Variants in RPS6KA5 observed in about 807,000 individuals in gnomAD.
RPS6KA5 encodes the protein ribosomal protein S6 kinase alpha-5.
In RPS6KA5, 27 loss-of-function variants were observed where a neutral mutation model predicts 85.5. The ratio of observed to expected loss-of-function variants is 0.32; its 90% CI spans 0.23 to 0.44. The LOEUF is 0.44. Among genes scored for constraint, RPS6KA5 ranks in the 20% least tolerant of loss-of-function variants. The probability of loss-of-function intolerance (pLI) is 1.00; values close to 1 mark genes in which losing one functional copy is unlikely to be tolerated. For synonymous variants in RPS6KA5, 334 were observed against 348.2 expected, an observed-to-expected ratio of 0.96 and a Z score of 0.46; for missense variants, 811 against 980.9, an observed-to-expected ratio of 0.83 and a Z score of 2.31.
chr14:90,935,919 C>G (rs983375671), intron 5 of RPS6KA5, among the ~76,000 whole-genome samples: 15 of 152,138 alleles, frequency 9.9e-5, no homozygotes, highest in Non-Finnish European at 2.2e-4. Flanking sequence ...TAAATATGAA[C>G]AGACACAATT....
intron 14 of RPS6KA5, among the ~76,000 whole-genome samples, chr14:90,889,369 T>C (rs150208236): frequency 6.6e-6 from 1 of 150,558 alleles, no homozygotes; most frequent in Non-Finnish European, 1.5e-5. Flanking sequence ...GAAAAGATGC[T>C]CTAACTAAAT....
chr14:90,944,214 T>C (rs1013889125), intron 4 of RPS6KA5, among the ~76,000 whole-genome samples: 2 of 152,240 alleles, frequency 1.3e-5, no homozygotes, highest in African/African-American at 2.4e-5. Flanking sequence ...TTCAGTTATG[T>C]CAGCCTGAAT....
chr14:91,033,086 C>T (rs1414686908), intron 1 of RPS6KA5, among the ~76,000 whole-genome samples: 2 of 151,624 alleles, frequency 1.3e-5, no homozygotes, highest in African/African-American at 4.8e-5. Flanking sequence ...ACTCGGGAGG[C>T]TGAGGCAGGA....
At chr14:90,958,196 T>C (rs1474844133) in intron 3 of RPS6KA5, among the ~76,000 whole-genome samples, 1 of 152,040 alleles carries the variant, frequency 6.6e-6, no homozygotes, top group Non-Finnish European at 1.5e-5. Flanking sequence ...GCTATTTGAG[T>C]TCCTTTATAT....
At chr14:91,012,254 A>C (rs573921168) in intron 1 of RPS6KA5, among the ~76,000 whole-genome samples, 155 of 152,326 alleles carry the variant, frequency 1.0e-3, no homozygotes, top group African/African-American at 3.7e-3. Flanking sequence ...CCGTTCCAAC[A>C]CTTTTGGTAT....
At chr14:90,926,737 G>A (rs1404593977) in intron 5 of RPS6KA5, among the ~76,000 whole-genome samples, 2 of 150,826 alleles carry the variant, frequency 1.3e-5, no homozygotes, top group Non-Finnish European at 3.0e-5. Flanking sequence ...TTTATACCCA[G>A]CAGCTAAGTT....
chr14:91,053,449 T>C (rs1249017752), intron 1 of RPS6KA5, among the ~76,000 whole-genome samples: 7 of 152,130 alleles, frequency 4.6e-5, no homozygotes, highest in Non-Finnish European at 7.4e-5. Context: ...ATCTTATAAA[T>C]AGAAAATCCT....
intron 1 of RPS6KA5, among the ~76,000 whole-genome samples, chr14:91,019,802 CA>C (rs2041669033): frequency 6.6e-6 from 1 of 152,182 alleles, no homozygotes; most frequent in Non-Finnish European, 1.5e-5. Context: ...AACATAACCT[CA>C]TTGTAAGTCA....
At chr14:90,972,754 C>A (rs1486982181) in intron 3 of RPS6KA5, among the ~76,000 whole-genome samples, 1 of 152,182 alleles carries the variant, frequency 6.6e-6, no homozygotes, top group East Asian at 1.9e-4. Context: ...ATAAATTTTA[C>A]TATACATAAA....
chr14:91,046,773 G>A (rs1372936100), intron 1 of RPS6KA5, among the ~76,000 whole-genome samples: 3 of 151,352 alleles, frequency 2.0e-5, no homozygotes, highest in Middle Eastern at 3.4e-3. Flanking sequence ...TTATCATTAC[G>A]TATTTTCTAA....
At chr14:91,042,593 C>T (rs926872965) in intron 1 of RPS6KA5, among the ~76,000 whole-genome samples, 3 of 152,256 alleles carry the variant, frequency 2.0e-5, no homozygotes, top group Non-Finnish European at 4.4e-5. Flanking sequence ...TAAAGAATTG[C>T]CTTTTCTTCA....
chr14:91,024,913 G>A (rs564480442), intron 1 of RPS6KA5, among the ~76,000 whole-genome samples: 18 of 151,612 alleles, frequency 1.2e-4, no homozygotes, highest in Non-Finnish European at 1.9e-4. Flanking sequence ...ACCAAGTCTC[G>A]CTCTGTCACC....
At chr14:90,998,154 G>A (rs1489084922) in intron 2 of RPS6KA5, among the ~76,000 whole-genome samples, 3 of 152,072 alleles carry the variant, frequency 2.0e-5, no homozygotes, top group African/African-American at 7.2e-5. Context: ...GCCTAGAAGA[G>A]GCAAATATAT....
chr14:90,863,776 T>C lies in RPS6KA5; in HGVS notation c.*8298A>G, dbSNP rs1366133167. 4 of 152,204 alleles carry C rather than the reference T, an allele frequency of 2.6e-5. No homozygotes were observed. Among genetic ancestry groups the C allele is most frequent in the African/African-American group, 7.2e-5 (3 of 41,460 alleles). The allele number at this position is 152,204 out of a possible 1,614,324, so 9.4% of individuals were successfully genotyped here. A position where few individuals can be genotyped will look rare whatever the true frequency, so the allele number is the denominator to read the frequency against. Reference sequence around the variant, plus strand: ...TAGAGGGATATACCATGTCCATGCATTGGAAAACTCAAAATTGGTAAGATA... The same window carrying C: ...TAGAGGGATATACCATGTCCATGCACTGGAAAACTCAAAATTGGTAAGATA... On this transcript the variant is annotated 3_prime_UTR_variant, in exon 17 of 17. Coordinates refer to ENST00000614987, the MANE Select transcript of RPS6KA5 (RefSeq NM_004755.4).
At position 90,920,289 on chromosome 14, in the gene RPS6KA5, C is replaced by T. The variant is rs1158606577; in HGVS notation, c.723G>A (p.Leu241=). Residue 241 remains leucine, a synonymous_variant, in exon 7 of 17, where the codon TTG becomes TTA. Coordinates refer to ENST00000614987, the MANE Select transcript of RPS6KA5 (RefSeq NM_004755.4). The part of the protein sequence containing the change: ...GHDKAVDWWS[L]GVLMYELLTG... ...TTAGTAATTCATACATTAGAACACC[C>T]AAACTCCACCAGTCAACTGCCTATA... 3.1e-6 allele frequency: 5 copies of T among 1,608,154 alleles called. No individual in the cohort carries two copies. The African/African-American group carries it at 5.4e-5, about 17-fold the overall frequency.
In RPS6KA5 at chr14:90,872,911, C is replaced by A. The variant is rs117673286; in HGVS notation, c.2161-589G>T. Among the ~76,000 whole-genome samples, 116 of 152,338 alleles carry A rather than the reference C, an allele frequency of 7.6e-4. No individual in the cohort carries two copies. In the East Asian group the frequency reaches 0.022, roughly 28 times the overall value. On this transcript the variant is annotated intron_variant, in intron 16 of 16. Coordinates refer to ENST00000614987, the MANE Select transcript of RPS6KA5 (RefSeq NM_004755.4). ...GTTACACCTTGTAGTTGTCACCTTG[C>A]AACCTATGTCACTGAGAAGATTTGG... is the stretch of plus-strand genomic sequence containing the variant.
chr14:90,926,208 C>T (rs1218227945), intron 5 of RPS6KA5, among the ~76,000 whole-genome samples: 2 of 151,798 alleles, frequency 1.3e-5, no homozygotes, highest in African/African-American at 2.4e-5. Flanking sequence ...AGTTCGAGAA[C>T]AGCCTGGCCA....
chr14:91,040,454 A>G (rs907637841), intron 1 of RPS6KA5, among the ~76,000 whole-genome samples: 4 of 152,144 alleles, frequency 2.6e-5, no homozygotes, highest in African/African-American at 9.7e-5. Context: ...AAACATGGAA[A>G]GCTGGAAGAA....
At chr14:90,926,803 A>C (rs2036699920) in intron 5 of RPS6KA5, among the ~76,000 whole-genome samples, 1 of 152,078 alleles carries the variant, frequency 6.6e-6, no homozygotes, top group Non-Finnish European at 1.5e-5. Flanking sequence ...AGAATTTATT[A>C]ATCATTGAAC....
Sources: gnomAD v4.1 joint callset for allele counts (sites outside exome capture counted in the v4.1 genomes callset) on GRCh38, gnomAD v4.1.1 for gene constraint, MANE v1.5 for transcripts, NCBI Gene and HGNC (gene_info 2026-07-23, HGNC 2026-07-21) for gene names.